The following FBXL7 variants were observed in gnomAD, a reference collection of about 807,000 sequenced individuals.
FBXL7 encodes F-box/LRR-repeat protein 7.
FBXL7 carries 12 observed loss-of-function variants against 38.3 expected under a neutral mutation model. The observed-to-expected ratio is 0.31, with a 90% CI of 0.20 to 0.51. The LOEUF (loss-of-function observed/expected upper bound fraction) is 0.51, where lower values mean the gene tolerates loss of function less well. FBXL7 is among the 20% of genes least tolerant of loss of function. FBXL7 has a pLI of 0.98. For missense variants in FBXL7, 567 were observed against 676.4 expected (o/e 0.84, Z 1.79); for synonymous variants, 297 against 300.9 (o/e 0.99, Z 0.13).
intron 2 of FBXL7, among the ~76,000 whole-genome samples, chr5:15,830,463 G>A (rs1738424903): frequency 6.8e-6 from 1 of 146,484 alleles, no homozygotes; most frequent in South Asian, 2.2e-4. Context: ...TAGCCTGGGC[G>A]ACAGAGTGAG....
intron 2 of FBXL7, among the ~76,000 whole-genome samples, chr5:15,794,841 G>A (rs931414635): frequency 1.4e-4 from 22 of 152,066 alleles, no homozygotes; most frequent in Non-Finnish European, 2.1e-4. Context: ...GGGGAGAGGC[G>A]AAAAAAACAA....
intron 2 of FBXL7, among the ~76,000 whole-genome samples, chr5:15,752,978 G>C (rs553598929): frequency 6.6e-6 from 1 of 152,174 alleles, no homozygotes; most frequent in Non-Finnish European, 1.5e-5. Flanking sequence ...AAATGTTGAC[G>C]TTAGGGCAAA....
chr5:15,541,443 GTATATATATATATATATATATATATA>G (rs56810372), intron 1 of FBXL7, among the ~76,000 whole-genome samples: 7 of 38,444 alleles, frequency 1.8e-4, no homozygotes, highest in Admixed American at 1.6e-3. Context: ...GTGTGTGTGT[GTATATATATATATATATATATATATA>G]TATATATATA....
At chr5:15,537,642 G>C (rs76755607) in intron 1 of FBXL7, among the ~76,000 whole-genome samples, 2,531 of 152,348 alleles carry the variant, frequency 0.017, 67 homozygotes, top group African/African-American at 0.058. Flanking sequence ...GTCCCCGAAG[G>C]GGGAGGGCTC....
chr5:15,851,356 TCATACAATAG>T (rs547948293), intron 2 of FBXL7, among the ~76,000 whole-genome samples: 38 of 152,306 alleles, frequency 2.5e-4, no homozygotes, highest in Non-Finnish European at 4.4e-4. Flanking sequence ...TCAGAATCAC[TCATACAATAG>T]CATGTGCCTC....
intron 2 of FBXL7, among the ~76,000 whole-genome samples, chr5:15,624,952 C>T (rs771571431): frequency 5.3e-5 from 8 of 151,328 alleles, no homozygotes; most frequent in Non-Finnish European, 1.2e-4. Flanking sequence ...TCCTCTCTTG[C>T]CACTTGATCT....
intron 2 of FBXL7, among the ~76,000 whole-genome samples, chr5:15,651,796 A>G (rs1741717669): frequency 6.6e-6 from 1 of 152,248 alleles, no homozygotes; most frequent in Non-Finnish European, 1.5e-5. Flanking sequence ...TTTAAAACTT[A>G]GAAGTTTTGA....
intron 2 of FBXL7, among the ~76,000 whole-genome samples, chr5:15,730,777 G>C (rs4569873): frequency 3.9e-5 from 6 of 152,132 alleles, no homozygotes; most frequent in Admixed American, 3.9e-4. Context: ...ACAGTTTTCT[G>C]CTTCCTGATA....
chr5:15,752,856 C>T (rs941022012), intron 2 of FBXL7, among the ~76,000 whole-genome samples: 4 of 152,152 alleles, frequency 2.6e-5, no homozygotes, highest in East Asian at 1.9e-4. Flanking sequence ...AGGTTCTTGG[C>T]GAACTGTAAA....
intron 1 of FBXL7, among the ~76,000 whole-genome samples, chr5:15,576,647 T>C (rs9312894): frequency 0.55 from 83,406 of 152,004 alleles, 23,729 homozygotes; most frequent in African/African-American, 0.69. Context: ...CTTAACTTAA[T>C]GGCTGGTGTG....
At chr5:15,584,537 C>T (rs111819092) in intron 1 of FBXL7, among the ~76,000 whole-genome samples, 1,612 of 152,272 alleles carry the variant, frequency 0.011, 14 homozygotes, top group Non-Finnish European at 0.015. Context: ...CTGAGACCAC[C>T]TCAGCCTGGA....
Position 15,553,794 on chromosome 5 carries a change from T to C in FBXL7, c.37+53081T>C, listed in dbSNP as rs559358181. Among the ~76,000 whole-genome samples the C allele has an allele frequency of 5.9e-5, 9 of 152,354 alleles. No homozygotes were observed. In the South Asian group the frequency reaches 1.9e-3, roughly 32 times the overall value. On this transcript the variant is annotated intron_variant, in intron 1 of 3. Transcript: ENST00000504595. Reference sequence around the variant, plus strand: ...TTATAGCTAAGCCTTACAAAGGACTTGAACCAAGACGAAAAATCTCTCAGT... The same window carrying C: ...TTATAGCTAAGCCTTACAAAGGACTCGAACCAAGACGAAAAATCTCTCAGT...
chr5:15,922,434 G>A (rs560296914), intron 2 of FBXL7, among the ~76,000 whole-genome samples: 1 of 152,244 alleles, frequency 6.6e-6, no homozygotes, highest in African/African-American at 2.4e-5. Flanking sequence ...TGCCAGGGAT[G>A]CTGTGGGTGA....
intron 2 of FBXL7, among the ~76,000 whole-genome samples, chr5:15,837,288 T>C (rs1010874509): frequency 8.6e-5 from 13 of 151,554 alleles, no homozygotes; most frequent in Non-Finnish European, 1.6e-4. Context: ...ATACTTTTAA[T>C]TGATCTTTAA....
chr5:15,822,800 C>G (rs1411338608), intron 2 of FBXL7, among the ~76,000 whole-genome samples: 1 of 152,044 alleles, frequency 6.6e-6, no homozygotes, highest in African/African-American at 2.4e-5. Context: ...CTAAGGCACA[C>G]AGAGATAGAA....
intron 1 of FBXL7, among the ~76,000 whole-genome samples, chr5:15,567,685 T>A (rs895865081): frequency 2.6e-5 from 4 of 152,072 alleles, no homozygotes; most frequent in Non-Finnish European, 4.4e-5. Flanking sequence ...CATGTTGGTG[T>A]GCTGCACCCA....
chr5:15,520,771 G>T (rs956787108), intron 1 of FBXL7, among the ~76,000 whole-genome samples: 1 of 152,124 alleles, frequency 6.6e-6, no homozygotes, highest in African/African-American at 2.4e-5. Flanking sequence ...TCTGTAAATT[G>T]AAAGAAATAC....
intron 1 of FBXL7, among the ~76,000 whole-genome samples, chr5:15,535,920 C>T (rs1737571084): frequency 6.6e-6 from 1 of 152,252 alleles, no homozygotes; most frequent in African/African-American, 2.4e-5. Flanking sequence ...AAGGCAGCCC[C>T]TCCTATCACA....
intron 2 of FBXL7, among the ~76,000 whole-genome samples, chr5:15,730,623 G>T (rs1267679071): frequency 6.6e-6 from 1 of 152,124 alleles, no homozygotes; most frequent in Non-Finnish European, 1.5e-5. Flanking sequence ...GTTAGATTTG[G>T]TTTGGTTTTA....
Sources: gnomAD v4.1 joint callset for allele counts (sites outside exome capture counted in the v4.1 genomes callset) on GRCh38, gnomAD v4.1.1 for gene constraint, MANE v1.5 for transcripts, NCBI Gene and HGNC (gene_info 2026-07-23, HGNC 2026-07-21) for gene names.